The following RNLS variants were observed in gnomAD, a reference collection of about 807,000 sequenced individuals.
The protein encoded by RNLS is renalase, FAD dependent amine oxidase.
Under a neutral mutation model 39.8 loss-of-function variants are expected in RNLS, and 39 were observed. That is an observed-to-expected ratio of 0.98 (90% CI 0.76 to 1.28). The LOEUF is 1.28. Ranked by LOEUF, RNLS falls within the 50% of genes most tolerant of loss-of-function variation. The pLI, the probability that RNLS is intolerant of heterozygous loss-of-function variation, is 0.00. For synonymous variants in RNLS, 147 were observed against 150.7 expected, an observed-to-expected ratio of 0.98 and a Z score of 0.18; for missense variants, 410 against 413.3, an observed-to-expected ratio of 0.99 and a Z score of 0.07.
chr10:88,359,231 G>A lies in RNLS; in HGVS notation c.700+3321C>T, dbSNP rs1053367078. On this transcript the variant is annotated intron_variant, in intron 5 of 6. Coordinates refer to ENST00000331772, the MANE Select transcript of RNLS (RefSeq NM_001031709.3). Reference sequence around the variant, plus strand: ...CTTGGGAGCCTGAGGCAGGAGAATCGCTTAAGCTCAGGAGGCAGAGGTTGC... The same window carrying A: ...CTTGGGAGCCTGAGGCAGGAGAATCACTTAAGCTCAGGAGGCAGAGGTTGC... 5.3e-5 allele frequency among the ~76,000 whole-genome samples: 8 copies of A among 151,884 alleles called. No individual in the cohort carries two copies. The South Asian group carries it at 6.2e-4, about 12-fold the overall frequency.
At chr10:88,250,901 A>T in the RNLS span, among the ~76,000 whole-genome samples, 2 of 152,248 alleles carry the variant, frequency 1.3e-5, no homozygotes, top group Non-Finnish European at 2.9e-5. Flanking sequence ...TGTATTTAAC[A>T]TAACAAAATA....
intron 5 of RNLS, among the ~76,000 whole-genome samples, chr10:88,356,691 T>A (rs1241808453): frequency 6.6e-6 from 1 of 152,260 alleles, no homozygotes; most frequent in Non-Finnish European, 1.5e-5. Context: ...AGTTTGTTCA[T>A]TTGCTTTTCT....
intron 5 of RNLS, chr10:88,343,788 CTGTTGCAGCTT>C: frequency 5.1e-6 from 5 of 985,374 alleles, no homozygotes; most frequent in Non-Finnish European, 6.0e-6. Context: ...GATTTTCAGT[CTGTTGCAGCTT>C]TTATTTGCAC....
chr10:88,382,233 A>G, intron 4 of RNLS, among the ~76,000 whole-genome samples: 1 of 152,122 alleles, frequency 6.6e-6, no homozygotes, highest in East Asian at 1.9e-4. Context: ...AGAAAAGTGG[A>G]CTTCAAATGA....
At chr10:88,357,924 C>CACAA (rs1849314865) in intron 5 of RNLS, among the ~76,000 whole-genome samples, 1 of 152,190 alleles carries the variant, frequency 6.6e-6, no homozygotes, top group Non-Finnish European at 1.5e-5. Flanking sequence ...ACCTATCAAT[C>CACAA]ACAAACACCT....
intron 5 of RNLS, among the ~76,000 whole-genome samples, chr10:88,317,203 A>G (rs1398058310): frequency 2.0e-5 from 3 of 152,242 alleles, no homozygotes; most frequent in Non-Finnish European, 1.5e-5. Flanking sequence ...TCAGAAGATA[A>G]GTATTTGAAC....
intron 4 of RNLS, among the ~76,000 whole-genome samples, chr10:88,439,533 A>C (rs1378759571): frequency 6.6e-6 from 1 of 152,222 alleles, no homozygotes; most frequent in Non-Finnish European, 1.5e-5. Context: ...AAAAAGGAAT[A>C]TATAAGTATG....
chr10:88,309,650 G>T (rs1044931911), intron 6 of RNLS, among the ~76,000 whole-genome samples: 3 of 152,202 alleles, frequency 2.0e-5, no homozygotes, highest in African/African-American at 7.2e-5. Flanking sequence ...TAAGAGGTGG[G>T]AGGGGAATAA....
chr10:88,345,410 C>G (rs1353117538), intron 5 of RNLS, among the ~76,000 whole-genome samples: 1 of 152,096 alleles, frequency 6.6e-6, no homozygotes, highest in Non-Finnish European at 1.5e-5. Flanking sequence ...CTGCATCTAA[C>G]TTCATGTTCT....
chr10:88,474,435 A>G (rs1239474346), intron 4 of RNLS, among the ~76,000 whole-genome samples: 5 of 152,166 alleles, frequency 3.3e-5, no homozygotes, highest in African/African-American at 1.2e-4. Flanking sequence ...CTAGCAATTA[A>G]ATGCTAGCAG....
At chr10:88,374,902 T>C (rs1361592348) in intron 4 of RNLS, among the ~76,000 whole-genome samples, 1 of 152,126 alleles carries the variant, frequency 6.6e-6, no homozygotes, top group African/African-American at 2.4e-5. Context: ...TTGATGTCCA[T>C]CTGATGGTTT....
chr10:88,451,865 C>T (rs776739495), intron 4 of RNLS, among the ~76,000 whole-genome samples: 93 of 152,298 alleles, frequency 6.1e-4, no homozygotes, highest in Non-Finnish European at 1.2e-3. Context: ...TTCTCTGATG[C>T]TAGGTTGACA....
At chr10:88,271,642 G>C (rs1377267737), downstream of RNLS, among the ~76,000 whole-genome samples, 4 of 152,120 alleles carry the variant, frequency 2.6e-5, no homozygotes, top group African/African-American at 9.7e-5. Flanking sequence ...GGACTTTTCA[G>C]CTTGTCTTAT....
intron 4 of RNLS, among the ~76,000 whole-genome samples, chr10:88,498,159 C>T (rs1845277305): frequency 6.6e-6 from 1 of 151,654 alleles, no homozygotes; most frequent in South Asian, 2.1e-4. Flanking sequence ...CCACCTAGAC[C>T]AAGTGATCAT....
At chr10:88,289,125 G>A (rs927606880) in intron 6 of RNLS, among the ~76,000 whole-genome samples, 5 of 152,130 alleles carry the variant, frequency 3.3e-5, no homozygotes, top group Non-Finnish European at 4.4e-5. Flanking sequence ...ATAAACTTAG[G>A]CGATAACTGG....
At chr10:88,509,451 A>AGAG (rs35996043) in intron 4 of RNLS, among the ~76,000 whole-genome samples, 2 of 145,358 alleles carry the variant, frequency 1.4e-5, no homozygotes, top group Admixed American at 7.0e-5. Context: ...AGAGAGAGAG[A>AGAG]AAAAAAAGGA....
chr10:88,242,670 G>T, the RNLS span, among the ~76,000 whole-genome samples: 1 of 152,218 alleles, frequency 6.6e-6, no homozygotes, highest in Non-Finnish European at 1.5e-5. Context: ...CATAAGGGAG[G>T]CTGGGCACGG....
In RNLS at chr10:88,465,359, G is replaced by C. The variant is rs534837646; in HGVS notation, c.527-102634C>G. 2.6e-5 allele frequency among the ~76,000 whole-genome samples: 4 copies of C among 152,176 alleles called. 1 individual carries two copies. The highest frequency in any genetic ancestry group is 4.8e-5 in the African/African-American group (2 of 41,532). On this transcript the variant is annotated intron_variant, in intron 4 of 6. Transcript: ENST00000331772. ...AAATAATTCTTGAGTATAGTGCTAAGGTAGTGTCCTAGCACTAGGGTTCCA... is the reference window on the plus strand; with the variant it reads ...AAATAATTCTTGAGTATAGTGCTAACGTAGTGTCCTAGCACTAGGGTTCCA...
At chr10:88,293,723 G>A (rs1843857196) in intron 6 of RNLS, among the ~76,000 whole-genome samples, 9 of 152,050 alleles carry the variant, frequency 5.9e-5, no homozygotes, top group Admixed American at 5.9e-4. Context: ...CCACTGCTCT[G>A]GGGTAAGGCT....
Sources: gnomAD v4.1 joint callset for allele counts (sites outside exome capture counted in the v4.1 genomes callset) on GRCh38, gnomAD v4.1.1 for gene constraint, MANE v1.5 for transcripts, NCBI Gene and HGNC (gene_info 2026-07-23, HGNC 2026-07-21) for gene names.